PAPPA2: variants seen among roughly 807,000 people sequenced by gnomAD.
The protein encoded by PAPPA2 is pappalysin 2, also known as pappalysin-2.
In PAPPA2, 86 loss-of-function variants were observed where a neutral mutation model predicts 176.4. The ratio of observed to expected loss-of-function variants is 0.49; its 90% CI spans 0.41 to 0.58. PAPPA2 has a LOEUF of 0.58. Ranked by LOEUF, PAPPA2 falls within the 20% of genes least tolerant of loss-of-function variation. The probability of loss-of-function intolerance (pLI) is 0.00; values close to 1 mark genes in which losing one functional copy is unlikely to be tolerated. For synonymous variants in PAPPA2, 809 were observed against 852.2 expected, an observed-to-expected ratio of 0.95 and a Z score of 0.88; for missense variants, 2,073 against 2,256.9, an observed-to-expected ratio of 0.92 and a Z score of 1.65.
intron 18 of PAPPA2, among the ~76,000 whole-genome samples, chr1:176,790,724 TA>T (rs1665138689): frequency 6.6e-6 from 1 of 152,180 alleles, no homozygotes; most frequent in Admixed American, 6.5e-5. Context: ...CCTACATTTC[TA>T]AAATCTTACT....
intron 10 of PAPPA2, 64 bp downstream of exon 10, chr1:176,706,514 T>A (rs1297781400): frequency 3.6e-6 from 5 of 1,389,320 alleles, no homozygotes; most frequent in Non-Finnish European, 5.1e-6. Flanking sequence ...TTTTGTGAGT[T>A]CTTGATATCC....
At chr1:176,550,757 C>T (rs1650898995) in intron 1 of PAPPA2, among the ~76,000 whole-genome samples, 2 of 152,140 alleles carry the variant, frequency 1.3e-5, no homozygotes, top group African/African-American at 4.8e-5. Flanking sequence ...AACAGTTCCA[C>T]AAGAAGATAG....
intron 14 of PAPPA2, among the ~76,000 whole-genome samples, chr1:176,744,909 T>C (rs1484175560): frequency 6.6e-6 from 1 of 152,244 alleles, no homozygotes; most frequent in Non-Finnish European, 1.5e-5. Context: ...TGTTAGTATT[T>C]AAATGGGAAG....
At chr1:176,739,475 G>C in intron 12 of PAPPA2, 151 bp from the exon 13 acceptor site, 1 of 705,318 alleles carries the variant, frequency 1.4e-6, no homozygotes, top group Non-Finnish European at 2.2e-6. Context: ...ATACCTTTCT[G>C]TGTCTACTCC....
chr1:176,523,167 G>A (rs1254044616), intron 1 of PAPPA2, among the ~76,000 whole-genome samples: 1 of 152,114 alleles, frequency 6.6e-6, no homozygotes, highest in Non-Finnish European at 1.5e-5. Flanking sequence ...CTATTGAGTA[G>A]GCTGATGAGT....
chr1:176,503,286 C>G (rs531765339), intron 1 of PAPPA2, among the ~76,000 whole-genome samples: 2 of 152,306 alleles, frequency 1.3e-5, no homozygotes, highest in Admixed American at 1.3e-4. Flanking sequence ...TTCTGCCACT[C>G]ACTTCCACTT....
chr1:176,793,193 A>G (rs1372134455), intron 19 of PAPPA2, among the ~76,000 whole-genome samples: 1 of 152,202 alleles, frequency 6.6e-6, no homozygotes, highest in Non-Finnish European at 1.5e-5. Flanking sequence ...GCCAATCAGG[A>G]TAGACTTTGT....
Position 176,775,188 on chromosome 1 carries a change from A to G in PAPPA2, c.4715+4008A>G, listed in dbSNP as rs188265194. Among the ~76,000 whole-genome samples, 7 of 152,330 alleles carry G rather than the reference A, an allele frequency of 4.6e-5. No individual in the cohort carries two copies. The East Asian group carries it at 1.4e-3, about 29-fold the overall frequency. ...TGGTTACTCATCTATATTCACGAATAGACCATGAATATTTTGCTTAGCATC... is the reference window on the plus strand; with the variant it reads ...TGGTTACTCATCTATATTCACGAATGGACCATGAATATTTTGCTTAGCATC... On this transcript the variant is annotated intron_variant, in intron 17 of 22. Coordinates refer to ENST00000367662, the MANE Select transcript of PAPPA2 (RefSeq NM_020318.3).
At chr1:176,703,406 C>T (rs1158451024) in intron 9 of PAPPA2, among the ~76,000 whole-genome samples, 2 of 152,144 alleles carry the variant, frequency 1.3e-5, no homozygotes, top group South Asian at 2.1e-4. Flanking sequence ...GGTTTTAGCA[C>T]TAAAAATACC....
intron 3 of PAPPA2, among the ~76,000 whole-genome samples, chr1:176,598,425 T>A (rs951567952): frequency 2.0e-5 from 3 of 152,218 alleles, no homozygotes; most frequent in Admixed American, 2.0e-4. Context: ...TCCATATAAT[T>A]ACTATTTTTT....
At chr1:176,718,463 G>C (rs1661468041) in intron 12 of PAPPA2, among the ~76,000 whole-genome samples, 1 of 151,706 alleles carries the variant, frequency 6.6e-6, no homozygotes. Flanking sequence ...CTAGTAACTT[G>C]AGGTGATGCA....
rs1387318250 is a variant in PAPPA2, at chr1:176,717,647, C to A, written c.3798+5666C>A. Among the ~76,000 whole-genome samples the A allele has an allele frequency of 2.6e-5, 4 of 152,336 alleles. No individual in the cohort carries two copies. In the East Asian group the frequency reaches 7.7e-4, roughly 29 times the overall value. ...AAGCCAAAACCTCTCCTTGGCTAAG[C>A]CCCAGTTTGGGGGCTTGCCTGCCCT... On this transcript the variant is annotated intron_variant, in intron 12 of 22. Coordinates refer to ENST00000367662, the MANE Select transcript of PAPPA2 (RefSeq NM_020318.3).
At position 176,842,376 on chromosome 1, in the gene PAPPA2, C is replaced by T; in HGVS notation, c.5302-4C>T. 2 of 1,612,668 alleles carry T rather than the reference C, an allele frequency of 1.2e-6. No homozygotes were observed. The highest frequency in any genetic ancestry group is 1.7e-6 in the Non-Finnish European group (2 of 1,178,958). Reference sequence around the variant, plus strand: ...CTATTTCTACTTCCCTTTCATTCCCCTAGGTCATTCCATTTGCTGCTGACT... The same window carrying T: ...CTATTTCTACTTCCCTTTCATTCCCTTAGGTCATTCCATTTGCTGCTGACT... On this transcript the variant is annotated splice_region_variant and splice_polypyrimidine_tract_variant and intron_variant, in intron 22 of 22. Coordinates refer to ENST00000367662, the MANE Select transcript of PAPPA2 (RefSeq NM_020318.3).
rs1651701406 is a variant in PAPPA2 at position 176,467,917 on chromosome 1, G to T, written c.-917+4499G>T. ...AAATCAAGACACTCTCTGTACAGTG[G>T]ATTTGATAAATAGATGAAGAATAGC... On this transcript the variant is annotated intron_variant, in intron 1 of 22. Coordinates refer to ENST00000367662, the MANE Select transcript of PAPPA2 (RefSeq NM_020318.3). Among the ~76,000 whole-genome samples, 4 of 152,264 alleles carry T rather than the reference G, an allele frequency of 2.6e-5. No individual in the cohort carries two copies. The South Asian group carries it at 8.3e-4, about 32-fold the overall frequency.
In PAPPA2 at chr1:176,699,180, A is replaced by G; in HGVS notation, c.2827A>G (p.Thr943Ala). Residue 943 changes from threonine (T) to alanine (A), a missense_variant, in exon 8 of 23, where the codon ACG becomes GCG. Coordinates refer to ENST00000367662, the MANE Select transcript of PAPPA2 (RefSeq NM_020318.3). Reference protein sequence around the residue: ...PEVHLYHMNMTVPCPTEGCSL... With the variant: ...PEVHLYHMNMAVPCPTEGCSL... ...GGTCCACCTGTACCACATGAACATG[A>G]CGGTCCCCTGCCCCACAGAAGGCTG... 6.2e-7 allele frequency: 1 copy of G among 1,614,112 alleles called. No homozygotes were observed. The highest frequency in any genetic ancestry group is 1.1e-5 in the South Asian group (1 of 91,082).
chr1:176,466,751 G>A (rs1028750924), intron 1 of PAPPA2, among the ~76,000 whole-genome samples: 4 of 152,080 alleles, frequency 2.6e-5, no homozygotes, highest in East Asian at 3.9e-4. Flanking sequence ...TGTATCTGTC[G>A]CAGCACAGAC....
chr1:176,559,566 A>G (rs1651536773), intron 2 of PAPPA2, among the ~76,000 whole-genome samples: 1 of 152,176 alleles, frequency 6.6e-6, no homozygotes, highest in African/African-American at 2.4e-5. Context: ...GAGAACCATA[A>G]TGTTGCCAAA....
intron 17 of PAPPA2, among the ~76,000 whole-genome samples, chr1:176,773,960 G>A (rs536749006): frequency 1.3e-5 from 2 of 152,256 alleles, no homozygotes; most frequent in African/African-American, 4.8e-5. Context: ...CTCTATGCCA[G>A]TCTCTGGGTT....
intron 1 of PAPPA2, among the ~76,000 whole-genome samples, chr1:176,549,157 T>C (rs755165626): frequency 2.2e-4 from 34 of 152,224 alleles, no homozygotes; most frequent in Non-Finnish European, 7.3e-5. Context: ...TTGCAAAATA[T>C]GTGATAATGC....
Sources: allele counts gnomAD v4.1 joint callset (sites outside exome capture counted in the v4.1 genomes callset), GRCh38; gene constraint gnomAD v4.1.1; transcripts MANE v1.5; gene names NCBI Gene and HGNC (gene_info 2026-07-23, HGNC 2026-07-21).